The following KCNB2 variants were observed in gnomAD, a reference collection of about 807,000 sequenced individuals.
KCNB2 encodes the protein potassium voltage-gated channel subfamily B member 2.
Under a neutral mutation model 61.5 loss-of-function variants are expected in KCNB2, and 15 were observed. The ratio of observed to expected loss-of-function variants is 0.24; its 90% CI spans 0.16 to 0.38. The LOEUF (loss-of-function observed/expected upper bound fraction) is 0.38, where lower values mean the gene tolerates loss of function less well. KCNB2 is among the 10% of genes least tolerant of loss of function. The pLI is 1.00. For synonymous variants in KCNB2, 457 were observed against 446.0 expected, an observed-to-expected ratio of 1.02 and a Z score of -0.31; for missense variants, 828 against 1,125.2, an observed-to-expected ratio of 0.74 and a Z score of 3.78.
chr8:72,583,948 C>CAAAAAAAA (rs71566823), intron 2 of KCNB2, among the ~76,000 whole-genome samples: 13 of 100,812 alleles, frequency 1.3e-4, no homozygotes, highest in African/African-American at 5.4e-4. Context: ...AATAGAATAT[C>CAAAAAAAA]AAAAAAAAAA....
At chr8:72,601,409 G>T (rs572323910) in intron 2 of KCNB2, among the ~76,000 whole-genome samples, 1 of 152,322 alleles carries the variant, frequency 6.6e-6, no homozygotes, top group African/African-American at 2.4e-5. Context: ...TTTAGAGAAA[G>T]GGGAGAATCA....
chr8:72,606,852 C>T (rs977579531), intron 2 of KCNB2, among the ~76,000 whole-genome samples: 5 of 152,106 alleles, frequency 3.3e-5, no homozygotes, highest in Admixed American at 2.6e-4. Context: ...AAATGAGAAC[C>T]AGGTTCTAGA....
chr8:72,907,470 T>G (rs761545379), intron 2 of KCNB2, among the ~76,000 whole-genome samples: 1 of 152,084 alleles, frequency 6.6e-6, no homozygotes, highest in East Asian at 1.9e-4. Context: ...CTGTACACTA[T>G]GCAAAGAAGA....
chr8:72,905,782 A>C (rs1243895671), intron 2 of KCNB2, among the ~76,000 whole-genome samples: 1 of 152,188 alleles, frequency 6.6e-6, no homozygotes, highest in Non-Finnish European at 1.5e-5. Flanking sequence ...GAACCCACCA[A>C]GAACGTTGGG....
chr8:72,544,036 G>A (rs1806226703), intron 1 of KCNB2, among the ~76,000 whole-genome samples: 1 of 152,184 alleles, frequency 6.6e-6, no homozygotes, highest in African/African-American at 2.4e-5. Flanking sequence ...ACAATTTGAT[G>A]ATTTAATTAT....
intron 1 of KCNB2, among the ~76,000 whole-genome samples, chr8:72,557,460 C>A (rs1321668395): frequency 6.6e-6 from 1 of 152,088 alleles, no homozygotes; most frequent in Non-Finnish European, 1.5e-5. Flanking sequence ...AGACCCTCAC[C>A]AGACATGAAA....
chr8:72,577,366 C>T (rs1806814005), intron 2 of KCNB2, among the ~76,000 whole-genome samples: 1 of 152,002 alleles, frequency 6.6e-6, no homozygotes, highest in Non-Finnish European at 1.5e-5. Flanking sequence ...TATACTACCA[C>T]CTCTTCATTA....
intron 2 of KCNB2, among the ~76,000 whole-genome samples, chr8:72,839,969 G>T (rs1450231803): frequency 2.6e-5 from 4 of 151,012 alleles, no homozygotes; most frequent in African/African-American, 4.9e-5. Context: ...GTGCAGGTTT[G>T]TTACATAGTT....
intron 2 of KCNB2, among the ~76,000 whole-genome samples, chr8:72,849,970 A>G (rs4585785): frequency 0.85 from 129,677 of 152,044 alleles, 56,266 homozygotes; most frequent in Middle Eastern, 0.97. Flanking sequence ...AATCATGTGC[A>G]TTGTGAGGGC....
chr8:72,929,268 T>C (rs1479028286), intron 2 of KCNB2, among the ~76,000 whole-genome samples: 3 of 152,190 alleles, frequency 2.0e-5, no homozygotes, highest in African/African-American at 4.8e-5. Context: ...GCTGGTTCAA[T>C]TGAGGCAAGT....
Position 72,690,389 on chromosome 8 carries a change from C to T in KCNB2, c.579+122076C>T, listed in dbSNP as rs896642008. Among the ~76,000 whole-genome samples, 3 of 152,208 alleles carry T rather than the reference C, an allele frequency of 2.0e-5. No individual in the cohort carries two copies. In the South Asian group the frequency reaches 6.2e-4, roughly 31 times the overall value. ...TACCAAATGTCATCAGTTAAATAAA[C>T]TACGATCTTTGTGTCTGTAGACCAA... On this transcript the variant is annotated intron_variant, in intron 2 of 2. Coordinates refer to ENST00000523207, the MANE Select transcript of KCNB2 (RefSeq NM_004770.3).
intron 2 of KCNB2, among the ~76,000 whole-genome samples, chr8:72,817,620 G>A (rs1809423197): frequency 6.6e-6 from 1 of 152,084 alleles, no homozygotes; most frequent in African/African-American, 2.4e-5. Context: ...CTCTGCAGTA[G>A]TCAGTTTCAT....
At chr8:72,594,041 G>T (rs1279768094) in intron 2 of KCNB2, among the ~76,000 whole-genome samples, 5 of 152,126 alleles carry the variant, frequency 3.3e-5, no homozygotes, top group Non-Finnish European at 2.9e-5. Flanking sequence ...GATACCGTAA[G>T]GGTAGAAAGA....
intron 2 of KCNB2, among the ~76,000 whole-genome samples, chr8:72,768,257 A>G (rs911276753): frequency 6.6e-6 from 1 of 151,684 alleles, no homozygotes; most frequent in Non-Finnish European, 1.5e-5. Flanking sequence ...GCTCACTTCA[A>G]CCTCCATCTC....
At chr8:72,748,691 T>C (rs1236222410) in intron 2 of KCNB2, among the ~76,000 whole-genome samples, 1 of 151,490 alleles carries the variant, frequency 6.6e-6, no homozygotes, top group Non-Finnish European at 1.5e-5. Context: ...AATCTCTGAT[T>C]TTTTAAATTT....
At chr8:72,705,971 G>T (rs1233919641) in intron 2 of KCNB2, among the ~76,000 whole-genome samples, 1 of 152,206 alleles carries the variant, frequency 6.6e-6, no homozygotes, top group African/African-American at 2.4e-5. Context: ...ACTATATGGA[G>T]AGTTGGTTAC....
intron 2 of KCNB2, among the ~76,000 whole-genome samples, chr8:72,927,701 G>A (rs1328466369): frequency 6.6e-6 from 1 of 152,230 alleles, no homozygotes; most frequent in East Asian, 1.9e-4. Context: ...TCACGTTATA[G>A]TCTCTTGATG....
At chr8:72,825,338 G>A (rs1223366845) in intron 2 of KCNB2, among the ~76,000 whole-genome samples, 1 of 152,176 alleles carries the variant, frequency 6.6e-6, no homozygotes, top group Non-Finnish European at 1.5e-5. Context: ...GTATGTGTAA[G>A]TAATGCTGCT....
chr8:72,811,057 T>G (rs1221421565), intron 2 of KCNB2, among the ~76,000 whole-genome samples: 1 of 152,152 alleles, frequency 6.6e-6, no homozygotes, highest in Non-Finnish European at 1.5e-5. Flanking sequence ...TTATCCTACC[T>G]TCTCGATCAT....
Sources: allele counts gnomAD v4.1 joint callset (sites outside exome capture counted in the v4.1 genomes callset), GRCh38; gene constraint gnomAD v4.1.1; transcripts MANE v1.5; gene names NCBI Gene and HGNC (gene_info 2026-07-23, HGNC 2026-07-21).